ADORA2A: variants seen among roughly 807,000 people sequenced by gnomAD.
The protein encoded by ADORA2A is adenosine receptor A2a.
Under a neutral mutation model 18.4 loss-of-function variants are expected in ADORA2A, and 11 were observed. The observed-to-expected ratio is 0.60, with a 90% CI of 0.38 to 0.99. The LOEUF (loss-of-function observed/expected upper bound fraction) is 0.99, where lower values mean the gene tolerates loss of function less well. ADORA2A is among the 50% of genes least tolerant of loss of function. ADORA2A has a pLI of 0.01. For synonymous variants in ADORA2A, 218 were observed against 237.3 expected, an observed-to-expected ratio of 0.92 and a Z score of 0.75; for missense variants, 449 against 556.1, an observed-to-expected ratio of 0.81 and a Z score of 1.94.
Position 24,433,627 on chromosome 22 carries a change from C to T in ADORA2A, c.223C>T (p.His75Tyr). 9 of 1,613,898 alleles carry T rather than the reference C, an allele frequency of 5.6e-6. No homozygotes were observed. The highest frequency in any genetic ancestry group is 7.6e-6 in the Non-Finnish European group (9 of 1,180,044). Residue 75 changes from histidine to tyrosine, a missense_variant, in exon 2 of 3, where the codon CAC becomes TAC. By Grantham distance (83) the His-to-Tyr change is moderately conservative. Transcript: ENST00000337539. ...CAGCACCGGGTTCTGCGCTGCCTGC[C>T]ACGGCTGCCTCTTCATTGCCTGCTT... ...TISTGFCAAC[H>Y]GCLFIACFVL...
At chr22:24,438,799 C>T (rs900010334) in intron 2 of ADORA2A, 1 of 152,126 alleles carries the variant, frequency 6.6e-6, no homozygotes. Context: ...AGATCGGAAG[C>T]CACCAGGGTT....
At chr22:24,437,765 G>A (rs1349918642) in intron 2 of ADORA2A, among the ~76,000 whole-genome samples, 2 of 152,216 alleles carry the variant, frequency 1.3e-5, no homozygotes, top group African/African-American at 2.4e-5. Flanking sequence ...TGCAGAGTAC[G>A]GTGGAAGACT....
chr22:24,440,641 C>G lies in ADORA2A; in HGVS notation c.391C>G (p.Leu131Val), dbSNP rs146452856. ...GGGCATCATTGCCATCTGCTGGGTG[C>G]TGTCGTTTGCCATCGGCCTGACTCC... ...AKGIIAICWV[L>V]SFAIGLTPML... is the part of the protein sequence containing the mutation. The change falls in exon 3 of 3, where the codon CTG becomes GTG. Residue 131 changes from leucine (L) to valine (V), a missense_variant. Coordinates refer to ENST00000337539, the MANE Select transcript of ADORA2A (RefSeq NM_000675.6). The G allele has an allele frequency of 3.7e-6, 6 of 1,603,662 alleles. No homozygotes were observed. Among genetic ancestry groups the G allele is most frequent in the Non-Finnish European group, 5.1e-6 (6 of 1,173,162 alleles).
chr22:24,431,214 C>G (rs2043026150), intron 1 of ADORA2A: 1 of 456,764 alleles, frequency 2.2e-6, no homozygotes, highest in Middle Eastern at 3.3e-4. Flanking sequence ...GGACTCGGCC[C>G]TCTCCAGCTG....
intron 2 of ADORA2A, among the ~76,000 whole-genome samples, 196 bp downstream of exon 2, chr22:24,433,932 C>G (rs915377860): frequency 6.6e-6 from 1 of 152,254 alleles, no homozygotes; most frequent in Non-Finnish European, 1.5e-5. Flanking sequence ...CTGACTGACC[C>G]CTATGGGCGC....
At chr22:24,424,926 G>A (rs2042901205), upstream of ADORA2A, among the ~76,000 whole-genome samples, 1 of 152,122 alleles carries the variant, frequency 6.6e-6, no homozygotes, top group African/African-American at 2.4e-5. This position sits in a 1 kb window ranked among gnomAD's most constrained non-coding sequence, Gnocchi z 4.9. Context: ...CCCAGGGCTG[G>A]GTCCTAGGCT....
upstream of ADORA2A, chr22:24,424,484 T>C (rs56026765): frequency 0.019 from 2,814 of 151,046 alleles, 40 homozygotes; most frequent in Non-Finnish European, 0.029. This position sits in a 1 kb window ranked among gnomAD's most constrained non-coding sequence, Gnocchi z 4.9. Context: ...TCCTGAGGGG[T>C]GGCGGGCCGG....
rs201050948 is a variant in ADORA2A at position 24,436,401 on chromosome 22, C to CT, written c.332+2674dup. On this transcript the variant is annotated intron_variant, in intron 2 of 2. Transcript: ENST00000337539. ...TCAGGCCTGCCCCACTCTCCATTAA[C>CT]TTTTTTTTTAAAAAAAAGAACTCAG... Among the ~76,000 whole-genome samples the CT allele has an allele frequency of 3.2e-3, 481 of 151,884 alleles. 2 individuals are homozygous for CT. The highest frequency in any genetic ancestry group is 3.0e-3 in the Non-Finnish European group (207 of 67,896).
intron 1 of ADORA2A, among the ~76,000 whole-genome samples, chr22:24,431,791 G>A (rs2146881701): frequency 6.6e-6 from 1 of 152,280 alleles, no homozygotes. Flanking sequence ...AGGGGACACT[G>A]GGAGTTGGGG....
At chr22:24,434,539 A>G (rs1484283941) in intron 2 of ADORA2A, among the ~76,000 whole-genome samples, 1 of 152,164 alleles carries the variant, frequency 6.6e-6, no homozygotes, top group African/African-American at 2.4e-5. Context: ...TCCCTTGGGG[A>G]CGTCAGAGGC....
upstream of ADORA2A, among the ~76,000 whole-genome samples, chr22:24,425,188 G>T (rs1200412334): frequency 6.6e-6 from 1 of 151,866 alleles, no homozygotes; most frequent in African/African-American, 2.4e-5. Context: ...GCCCCAGGGT[G>T]CCCCAGCCCT....
At chr22:24,430,836 G>T (rs930437360) in intron 1 of ADORA2A, 1 of 339,334 alleles carries the variant, frequency 2.9e-6, no homozygotes, top group African/African-American at 2.2e-5. Context: ...CGTGGTGGGA[G>T]GCAGGATCCC....
At chr22:24,438,124 C>T (rs1449858994) in intron 2 of ADORA2A, among the ~76,000 whole-genome samples, 1 of 152,238 alleles carries the variant, frequency 6.6e-6, no homozygotes, top group African/African-American at 2.4e-5. Context: ...GTGAACAGCT[C>T]AGCTGAAAAA....
At chr22:24,440,159 T>C (rs1041002204) in intron 2 of ADORA2A, among the ~76,000 whole-genome samples, 7 of 152,228 alleles carry the variant, frequency 4.6e-5, no homozygotes, top group Admixed American at 3.3e-4. Flanking sequence ...AACATGGAGG[T>C]GACTGATCTT....
upstream of ADORA2A, among the ~76,000 whole-genome samples, chr22:24,427,354 G>GCAGC (rs1191627116): frequency 6.6e-6 from 1 of 152,152 alleles, no homozygotes; most frequent in Non-Finnish European, 1.5e-5. Flanking sequence ...CATCCTCATT[G>GCAGC]CAGCCACCCT....
At chr22:24,440,541 C>A in intron 2 of ADORA2A, 42 bp from the exon 3 acceptor site, 1 of 1,524,000 alleles carries the variant, frequency 6.6e-7, no homozygotes, top group South Asian at 1.3e-5. Flanking sequence ...CCCTGCTTAA[C>A]CCTGGCTTCT....
At chr22:24,427,155 C>T (rs2042927344), upstream of ADORA2A, among the ~76,000 whole-genome samples, 1 of 152,156 alleles carries the variant, frequency 6.6e-6, no homozygotes, top group Non-Finnish European at 1.5e-5. Context: ...GCTGGTCTGC[C>T]CGTGTCACAG....
chr22:24,431,624 CTT>C (rs1183271447), intron 1 of ADORA2A: 3 of 398,228 alleles, frequency 7.5e-6, no homozygotes, highest in Admixed American at 5.6e-5. Flanking sequence ...CCTCTGACCT[CTT>C]GTCCCCAGGC....
chr22:24,435,774 A>G (rs904433665), intron 2 of ADORA2A, among the ~76,000 whole-genome samples: 2 of 152,076 alleles, frequency 1.3e-5, no homozygotes, highest in African/African-American at 4.8e-5. Flanking sequence ...CCTGCCCCCT[A>G]TCCTCTACCC....
Sources: gnomAD v4.1 joint callset for allele counts (sites outside exome capture counted in the v4.1 genomes callset) on GRCh38, gnomAD v4.1.1 for gene constraint, Gnocchi (gnomAD v3.1) non-coding constraint, MANE v1.5 for transcripts, NCBI Gene and HGNC (gene_info 2026-07-23, HGNC 2026-07-21) for gene names.